Variants in AUTS2 observed in about 807,000 individuals in gnomAD.
The protein encoded by AUTS2 is autism susceptibility gene 2 protein.
In AUTS2, 17 loss-of-function variants were observed where a neutral mutation model predicts 112.4. The ratio of observed to expected loss-of-function variants is 0.15; its 90% confidence interval spans 0.10 to 0.23. AUTS2 has a LOEUF of 0.23. Ranked by LOEUF, AUTS2 falls within the 10% of genes least tolerant of loss-of-function variation. The pLI, the probability that AUTS2 is intolerant of heterozygous loss-of-function variation, is 1.00. For missense variants in AUTS2, 1,510 were observed against 1,701.6 expected (o/e 0.89, Z 1.98); for synonymous variants, 751 against 702.7 (o/e 1.07, Z -1.09).
chr7:70,414,199 T>C (rs1794898249), intron 4 of AUTS2, among the ~76,000 whole-genome samples: 1 of 152,232 alleles, frequency 6.6e-6, no homozygotes, highest in African/African-American at 2.4e-5. Flanking sequence ...CAGCGCCTGT[T>C]ACCTTTCCTT....
chr7:69,602,929 A>G (rs1562751087), intron 1 of AUTS2, among the ~76,000 whole-genome samples: 1 of 152,210 alleles, frequency 6.6e-6, no homozygotes, highest in Non-Finnish European at 1.5e-5. Context: ...GGTCCACTCT[A>G]TTCAGTCTGG....
At chr7:69,899,599 G>A in intron 2 of AUTS2, 101 bp downstream of exon 2, 2 of 1,115,254 alleles carry the variant, frequency 1.8e-6, no homozygotes, top group Non-Finnish European at 1.3e-6. Context: ...AGATATCCTT[G>A]GTGGGATGCT....
At chr7:70,376,821 AGC>A (rs1480754102) in intron 4 of AUTS2, among the ~76,000 whole-genome samples, 1 of 151,360 alleles carries the variant, frequency 6.6e-6, no homozygotes, top group Non-Finnish European at 1.5e-5. Context: ...AAGTACAAAA[AGC>A]CCAGGAGATG....
intron 5 of AUTS2, among the ~76,000 whole-genome samples, chr7:70,493,446 G>A (rs980003943): frequency 1.3e-5 from 2 of 152,168 alleles, no homozygotes; most frequent in African/African-American, 2.4e-5. Context: ...CATTTGGCTT[G>A]TTGTGTCAGA....
At chr7:69,707,590 G>T (rs954792120) in intron 1 of AUTS2, among the ~76,000 whole-genome samples, 14 of 152,128 alleles carry the variant, frequency 9.2e-5, no homozygotes, top group Non-Finnish European at 2.1e-4. Context: ...TAGTTGTGAG[G>T]GTTAAAGAAA....
chr7:69,760,647 C>T (rs775560693), intron 1 of AUTS2, among the ~76,000 whole-genome samples: 2 of 152,016 alleles, frequency 1.3e-5, no homozygotes, highest in Non-Finnish European at 1.5e-5. Context: ...ATGGTGAAAC[C>T]CCGTCTCTAC....
chr7:69,762,293 C>CTTTTTTTTTT (rs534032498), intron 1 of AUTS2, among the ~76,000 whole-genome samples: 5 of 61,598 alleles, frequency 8.1e-5, no homozygotes, highest in African/African-American at 1.3e-4. Context: ...GCCAAGTTGT[C>CTTTTTTTTTT]TTTTTTTTTT....
chr7:70,159,986 T>C (rs1387914623), intron 4 of AUTS2, among the ~76,000 whole-genome samples: 3 of 152,146 alleles, frequency 2.0e-5, no homozygotes, highest in South Asian at 2.1e-4. Context: ...TTTAGGAATA[T>C]CCCTTATTTC....
At chr7:69,712,273 G>A (rs1798362303) in intron 1 of AUTS2, among the ~76,000 whole-genome samples, 1 of 152,100 alleles carries the variant, frequency 6.6e-6, no homozygotes, top group Admixed American at 6.6e-5. Flanking sequence ...AGTATACAAT[G>A]TGTTAAGTTT....
At chr7:70,147,705 T>G (rs1167385842) in intron 4 of AUTS2, among the ~76,000 whole-genome samples, 5 of 152,152 alleles carry the variant, frequency 3.3e-5, no homozygotes, top group Non-Finnish European at 5.9e-5. Flanking sequence ...TTTTAAACTT[T>G]GCTTTCTCTG....
intron 2 of AUTS2, among the ~76,000 whole-genome samples, chr7:69,925,348 A>G (rs1457998496): frequency 6.6e-6 from 1 of 152,012 alleles, no homozygotes; most frequent in Non-Finnish European, 1.5e-5. Context: ...TTGATTTAAG[A>G]TCTTTCTTCT....
chr7:69,638,601 AAC>A (rs754420295), intron 1 of AUTS2, among the ~76,000 whole-genome samples: 1 of 152,234 alleles, frequency 6.6e-6, no homozygotes, highest in Non-Finnish European at 1.5e-5. Flanking sequence ...GTTAAAATTC[AAC>A]ACAGTCTTAA....
intron 5 of AUTS2, among the ~76,000 whole-genome samples, chr7:70,657,177 A>G (rs1020150449): frequency 4.6e-5 from 7 of 152,216 alleles, no homozygotes; most frequent in African/African-American, 1.4e-4. Flanking sequence ...GCCAGTCAGC[A>G]TTCTCTGCAG....
At chr7:70,244,000 G>A (rs1201402920) in intron 4 of AUTS2, among the ~76,000 whole-genome samples, 1 of 151,772 alleles carries the variant, frequency 6.6e-6, no homozygotes, top group African/African-American at 2.4e-5. Context: ...TAAGAGTATG[G>A]GAGATACTCC....
chr7:69,611,498 A>T (rs1793029999), intron 1 of AUTS2, among the ~76,000 whole-genome samples: 1 of 152,254 alleles, frequency 6.6e-6, no homozygotes, highest in Admixed American at 6.5e-5. Context: ...GAAAGAATAT[A>T]AATGTTTTTA....
intron 2 of AUTS2, among the ~76,000 whole-genome samples, chr7:69,922,258 A>C (rs764504067): frequency 2.0e-5 from 3 of 152,172 alleles, no homozygotes; most frequent in Admixed American, 6.5e-5. Flanking sequence ...CTTACTACCA[A>C]CTAGCGCTGT....
chr7:70,032,579 A>G (rs1800830727), intron 2 of AUTS2, among the ~76,000 whole-genome samples: 1 of 152,166 alleles, frequency 6.6e-6, no homozygotes, highest in Non-Finnish European at 1.5e-5. Context: ...TAAGCACTTG[A>G]TGACTTCATG....
intron 4 of AUTS2, among the ~76,000 whole-genome samples, chr7:70,173,958 T>A (rs375250407): frequency 6.6e-6 from 1 of 152,176 alleles, no homozygotes; most frequent in African/African-American, 2.4e-5. Flanking sequence ...CACTGGACTC[T>A]AAGTGTTTGA....
At chr7:70,220,470 G>C (rs1229583017) in intron 4 of AUTS2, among the ~76,000 whole-genome samples, 1 of 152,160 alleles carries the variant, frequency 6.6e-6, no homozygotes, top group Non-Finnish European at 1.5e-5. Context: ...GAAGCTTACA[G>C]TTAAGCTAGA....
Sources: gnomAD v4.1 joint callset for allele counts (sites outside exome capture counted in the v4.1 genomes callset) on GRCh38, gnomAD v4.1.1 for gene constraint, MANE v1.5 for transcripts, NCBI Gene and HGNC (gene_info 2026-07-23, HGNC 2026-07-21) for gene names.